The following SMCHD1 variants were observed in gnomAD, a reference collection of about 807,000 sequenced individuals.
SMCHD1 encodes structural maintenance of chromosomes flexible hinge domain containing 1, also known as structural maintenance of chromosomes flexible hinge domain-containing protein 1.
Under a neutral mutation model 254.7 loss-of-function variants are expected in SMCHD1, and 78 were observed. That is an observed-to-expected ratio of 0.31 (90% CI 0.26 to 0.37). The LOEUF (loss-of-function observed/expected upper bound fraction) is 0.37, where lower values mean the gene tolerates loss of function less well. SMCHD1 is among the 10% of genes least tolerant of loss of function. The probability of loss-of-function intolerance (pLI) is 1.00; values close to 1 mark genes in which losing one functional copy is unlikely to be tolerated. For synonymous variants in SMCHD1, 766 were observed against 794.9 expected, an observed-to-expected ratio of 0.96 and a Z score of 0.61; for missense variants, 1,840 against 2,408.1, an observed-to-expected ratio of 0.76 and a Z score of 4.94.
intron 30 of SMCHD1, among the ~76,000 whole-genome samples, chr18:2,748,965 G>A (rs922599369): frequency 5.6e-4 from 86 of 152,232 alleles, no homozygotes; most frequent in African/African-American, 2.0e-3. Flanking sequence ...AAGTCGTATG[G>A]AAGATTAAAG....
chr18:2,676,887 A>C (rs1214584388), intron 5 of SMCHD1, among the ~76,000 whole-genome samples: 2 of 152,228 alleles, frequency 1.3e-5, no homozygotes, highest in African/African-American at 4.8e-5. Context: ...GCGGATTCTC[A>C]TAAATAACTA....
intron 25 of SMCHD1, among the ~76,000 whole-genome samples, 199 bp from the exon 26 acceptor site, chr18:2,738,198 G>A (rs1313353773): frequency 2.0e-5 from 3 of 151,882 alleles, no homozygotes; most frequent in Admixed American, 6.6e-5. Context: ...AAAAAAATAG[G>A]GCAATATTAA....
chr18:2,743,195 C>T (rs8092183), intron 28 of SMCHD1, among the ~76,000 whole-genome samples: 8,194 of 152,074 alleles, frequency 0.054, 701 homozygotes, highest in African/African-American at 0.19. Flanking sequence ...TGATGTGTTA[C>T]GCATTATTCT....
intron 12 of SMCHD1, among the ~76,000 whole-genome samples, chr18:2,701,773 C>T (rs1221783483): frequency 6.6e-6 from 1 of 152,052 alleles, no homozygotes; most frequent in East Asian, 1.9e-4. Context: ...GAACAGACCT[C>T]AGAGACTTTT....
intron 13 of SMCHD1, among the ~76,000 whole-genome samples, chr18:2,704,846 G>A (rs887077170): frequency 1.3e-5 from 2 of 152,056 alleles, no homozygotes; most frequent in African/African-American, 4.8e-5. Flanking sequence ...TAGCTAAAGA[G>A]GTAAAAGGAT....
At chr18:2,756,483 G>C (rs950083338) in intron 34 of SMCHD1, among the ~76,000 whole-genome samples, 1 of 152,192 alleles carries the variant, frequency 6.6e-6, no homozygotes, top group Non-Finnish European at 1.5e-5. Flanking sequence ...TCTGAGCCTG[G>C]TGTTTTTGTG....
Position 2,700,884 on chromosome 18 carries a change from A to T in SMCHD1, c.1613A>T (p.Lys538Met). 6.2e-7 allele frequency: 1 copy of T among 1,607,654 alleles called. No individual in the cohort carries two copies. Among genetic ancestry groups the T allele is most frequent in the Non-Finnish European group, 8.5e-7 (1 of 1,177,406 alleles). Reference sequence around the variant, plus strand: ...GATCTTGAGCTAAAATTGAAAGATAAGAACACCCTTTTTACAAGGATTTTA... The same window carrying T: ...GATCTTGAGCTAAAATTGAAAGATATGAACACCCTTTTTACAAGGATTTTA... ...FMDLELKLKD[K>M]NTLFTRILNG... Residue 538 changes from lysine to methionine, a missense_variant, in exon 12 of 48, where the codon AAG becomes ATG. Physicochemically the swap from Lys to Met is moderately conservative, Grantham distance 95. Transcript: ENST00000320876.
chr18:2,777,013 C>T (rs891412933), intron 42 of SMCHD1, among the ~76,000 whole-genome samples: 3 of 152,138 alleles, frequency 2.0e-5, no homozygotes, highest in Admixed American at 6.5e-5. Flanking sequence ...AAGTGATCCT[C>T]CTCCCTCAAC....
chr18:2,663,721 AT>A (rs577543378), intron 1 of SMCHD1, among the ~76,000 whole-genome samples: 12 of 146,482 alleles, frequency 8.2e-5, no homozygotes, highest in South Asian at 6.5e-4. Context: ...TATTCCAGGA[AT>A]TTTTTTTTTT....
chr18:2,727,385 T>C (rs2075046267), intron 22 of SMCHD1, among the ~76,000 whole-genome samples: 1 of 152,086 alleles, frequency 6.6e-6, no homozygotes, highest in African/African-American at 2.4e-5. Context: ...GACATTTCCC[T>C]CCAGTGTGAA....
intron 1 of SMCHD1, among the ~76,000 whole-genome samples, chr18:2,665,034 A>G (rs1022947257): frequency 2.0e-5 from 3 of 152,194 alleles, no homozygotes; most frequent in African/African-American, 2.4e-5. Flanking sequence ...GATGTTTTCA[A>G]TAAGAATGTT....
intron 17 of SMCHD1, among the ~76,000 whole-genome samples, chr18:2,717,189 C>G (rs1427634257): frequency 6.6e-6 from 1 of 152,100 alleles, no homozygotes; most frequent in Non-Finnish European, 1.5e-5. Context: ...TCCCACTGTT[C>G]CCAATGCTCT....
intron 30 of SMCHD1, among the ~76,000 whole-genome samples, chr18:2,748,036 C>T (rs2075489551): frequency 6.6e-6 from 1 of 151,964 alleles, no homozygotes; most frequent in Non-Finnish European, 1.5e-5. Context: ...TGAGGCTAAA[C>T]AAAAAAAGTC....
At chr18:2,748,326 G>A (rs939755884) in intron 30 of SMCHD1, among the ~76,000 whole-genome samples, 1 of 146,802 alleles carries the variant, frequency 6.8e-6, no homozygotes, top group Admixed American at 6.8e-5. Flanking sequence ...AGGAAAAGCT[G>A]CTAGTCTTTG....
intron 34 of SMCHD1, among the ~76,000 whole-genome samples, chr18:2,755,657 T>C (rs1306633164): frequency 7.1e-6 from 1 of 141,750 alleles, no homozygotes; most frequent in Non-Finnish European, 1.5e-5. Flanking sequence ...AAGCTCTGCC[T>C]CCCGGGTTCA....
intron 44 of SMCHD1, among the ~76,000 whole-genome samples, chr18:2,780,282 AT>A (rs1282402159): frequency 6.8e-6 from 1 of 147,452 alleles, no homozygotes; most frequent in African/African-American, 2.5e-5. Context: ...TAATAAATTC[AT>A]CTTAGTTTAG....
In SMCHD1 at chr18:2,670,013, G is replaced by T. The variant is rs566752547; in HGVS notation, c.424+2982G>T. Among the ~76,000 whole-genome samples, 3 of 152,214 alleles carry T rather than the reference G, an allele frequency of 2.0e-5. No homozygotes were observed. In the South Asian group the frequency reaches 6.2e-4, roughly 32 times the overall value. On this transcript the variant is annotated intron_variant, in intron 3 of 47. Transcript: ENST00000320876. Reference sequence around the variant, plus strand: ...TACCACCTGGTCTGGAGGCACCATTGTATCACCCAGATTACACTAACTAGT... The same window carrying T: ...TACCACCTGGTCTGGAGGCACCATTTTATCACCCAGATTACACTAACTAGT...
chr18:2,778,940 G>T (rs898086074), intron 44 of SMCHD1: 1 of 152,162 alleles, frequency 6.6e-6, no homozygotes, highest in South Asian at 2.1e-4. Flanking sequence ...GATTTGTTGG[G>T]GGCTGGTCCC....
chr18:2,697,566 C>T (rs1400062578), intron 9 of SMCHD1, among the ~76,000 whole-genome samples: 3 of 152,270 alleles, frequency 2.0e-5, no homozygotes, highest in South Asian at 4.1e-4. Context: ...CAAGAAACCT[C>T]GAATTAAATG....
Sources: allele counts gnomAD v4.1 joint callset (sites outside exome capture counted in the v4.1 genomes callset), GRCh38; gene constraint gnomAD v4.1.1; transcripts MANE v1.5; gene names NCBI Gene and HGNC (gene_info 2026-07-23, HGNC 2026-07-21).